The following RBFOX2 variants were observed in gnomAD, a reference collection of about 807,000 sequenced individuals.
The protein encoded by RBFOX2 is RNA binding fox-1 homolog 2, also known as RNA binding protein fox-1 homolog 2.
Under a neutral mutation model 49.1 loss-of-function variants are expected in RBFOX2, and 10 were observed. The observed-to-expected ratio is 0.20, with a 90% CI of 0.13 to 0.35. RBFOX2 has a LOEUF of 0.35. Among genes scored for constraint, RBFOX2 ranks in the 10% least tolerant of loss-of-function variants. The pLI, the probability that RBFOX2 is intolerant of heterozygous loss-of-function variation, is 1.00. For synonymous variants in RBFOX2, 183 were observed against 187.4 expected (o/e 0.98, Z 0.19); for missense variants, 323 against 486.9 (o/e 0.66, Z 3.17).
intron 1 of RBFOX2, among the ~76,000 whole-genome samples, chr22:35,878,750 T>A (rs1448877241): frequency 1.3e-5 from 2 of 152,050 alleles, no homozygotes; most frequent in Non-Finnish European, 1.5e-5. Flanking sequence ...CCTGTTTTTT[T>A]ATTTTTTATT....
chr22:35,859,838 C>A (rs1294981354), intron 1 of RBFOX2, among the ~76,000 whole-genome samples: 1 of 152,194 alleles, frequency 6.6e-6, no homozygotes, highest in Non-Finnish European at 1.5e-5. Context: ...GCTGGCATTA[C>A]AGGCATGAGC....
intron 1 of RBFOX2, among the ~76,000 whole-genome samples, chr22:35,858,741 G>T (rs1372213967): frequency 2.7e-5 from 4 of 150,454 alleles, no homozygotes; most frequent in African/African-American, 7.4e-5. Flanking sequence ...CAGGAGAATC[G>T]CTTGAACCCG....
chr22:35,778,161 T>C, intron 3 of RBFOX2, 83 bp from the exon 5 acceptor site: 1 of 1,146,066 alleles, frequency 8.7e-7, no homozygotes, highest in Non-Finnish European at 1.3e-6. Context: ...GGGAATAGTT[T>C]ATTTTTCTTC....
upstream of RBFOX2, among the ~76,000 whole-genome samples, chr22:35,963,218 C>T (rs1312484859): frequency 6.6e-6 from 1 of 151,962 alleles, no homozygotes; most frequent in Non-Finnish European, 1.5e-5. Context: ...CTAGAAAAAG[C>T]TTTATAACTG....
intron 1 of RBFOX2, among the ~76,000 whole-genome samples, chr22:35,920,614 T>G (rs136613): frequency 2.0e-5 from 3 of 152,190 alleles, no homozygotes; most frequent in East Asian, 1.9e-4. Flanking sequence ...TGTTTACCCA[T>G]AGTACCAAAG....
chr22:35,980,565 A>G (rs1163210996), intron 1 of RBFOX2, among the ~76,000 whole-genome samples: 2 of 150,470 alleles, frequency 1.3e-5, no homozygotes, highest in African/African-American at 4.9e-5. Flanking sequence ...ATTTATCCCC[A>G]AAGTAACCAG....
chr22:35,895,236 A>C, intron 1 of RBFOX2, among the ~76,000 whole-genome samples: 1 of 152,188 alleles, frequency 6.6e-6, no homozygotes, highest in East Asian at 1.9e-4. Flanking sequence ...AGATTATTGC[A>C]AAAGACAGGG....
At chr22:35,853,499 G>A (rs1162601481) in intron 1 of RBFOX2, among the ~76,000 whole-genome samples, 4 of 151,932 alleles carry the variant, frequency 2.6e-5, no homozygotes, top group African/African-American at 7.3e-5. Flanking sequence ...TGTGTAATTA[G>A]TTAAGCTTTT....
chr22:35,789,983 A>G (rs768230909), intron 2 of RBFOX2, among the ~76,000 whole-genome samples: 1 of 152,142 alleles, frequency 6.6e-6, no homozygotes, highest in East Asian at 1.9e-4. Flanking sequence ...TAGGTAAGCA[A>G]TTTGTTCTTT....
chr22:35,792,871 A>AGTTCT (rs1948036872), intron 2 of RBFOX2, among the ~76,000 whole-genome samples: 1 of 152,242 alleles, frequency 6.6e-6, no homozygotes, highest in Non-Finnish European at 1.5e-5. Flanking sequence ...GTATCTCAAA[A>AGTTCT]AACAAGAACT....
intron 1 of RBFOX2, among the ~76,000 whole-genome samples, chr22:35,884,235 G>A (rs1569454207): frequency 1.3e-5 from 2 of 152,008 alleles, no homozygotes; most frequent in African/African-American, 4.8e-5. Flanking sequence ...GGGCTCAAGC[G>A]ATCCGCCTGC....
intron 1 of RBFOX2, 26 bp downstream of exon 2, chr22:35,938,821 C>A: frequency 1.2e-6 from 2 of 1,600,810 alleles, no homozygotes; most frequent in Non-Finnish European, 1.7e-6. Context: ...CATACATCAT[C>A]TGAGTTACAA....
At chr22:36,005,204 A>ATT (rs1171215454) in intron 1 of RBFOX2, among the ~76,000 whole-genome samples, 1 of 152,192 alleles carries the variant, frequency 6.6e-6, no homozygotes, top group Non-Finnish European at 1.5e-5. Flanking sequence ...AACCTTAAGG[A>ATT]AAGTCAACAT....
At chr22:35,967,034 C>T (rs2056604386) in intron 1 of RBFOX2, among the ~76,000 whole-genome samples, 1 of 152,004 alleles carries the variant, frequency 6.6e-6, no homozygotes, top group African/African-American at 2.4e-5. Context: ...GTTGCCCAGG[C>T]TGATCTTTAA....
At position 36,028,013 on chromosome 22, in the gene RBFOX2, C is replaced by A. The variant is rs114960313; in HGVS notation, c.186+227G>T. ...CAAAACCTATCCACTCGTCGTGCCT[C>A]CTGGCCCCTCAGGAATCAGGACCCT... On this transcript the variant is annotated intron_variant, in intron 1 of 13. Transcript: ENST00000438146. Among the ~76,000 whole-genome samples the A allele has an allele frequency of 4.5e-3, 689 of 152,300 alleles. 2 individuals carry two copies. Among genetic ancestry groups the A allele is most frequent in the African/African-American group, 0.016 (648 of 41,556 alleles).
chr22:35,882,737 A>T (rs2046074600), intron 1 of RBFOX2, among the ~76,000 whole-genome samples: 1 of 152,176 alleles, frequency 6.6e-6, no homozygotes, highest in Non-Finnish European at 1.5e-5. Context: ...CATACTGATG[A>T]GAGAAAGTGG....
chr22:35,777,149 T>G, intron 4 of RBFOX2, among the ~76,000 whole-genome samples: 1 of 152,042 alleles, frequency 6.6e-6, no homozygotes, highest in Admixed American at 6.5e-5. Flanking sequence ...GTAGCTGGGA[T>G]TACAGGCGTG....
At position 35,880,057 on chromosome 22, in the gene RBFOX2, G is replaced by A. The variant is rs978952843; in HGVS notation, c.-34+58790C>T. 3.3e-5 allele frequency among the ~76,000 whole-genome samples: 5 copies of A among 152,070 alleles called. No homozygotes were observed. In the East Asian group the frequency reaches 7.7e-4, roughly 23 times the overall value. On this transcript the variant is annotated intron_variant, in intron 1 of 13. Transcript: ENST00000359369. ...TGTAATCCCAGCTACTCAGGTAGCCGACTCACAAGAATCGCTTGAACCTGA... is the reference window on the plus strand; with the variant it reads ...TGTAATCCCAGCTACTCAGGTAGCCAACTCACAAGAATCGCTTGAACCTGA...
chr22:35,914,724 TC>T (rs1352775195), intron 1 of RBFOX2, among the ~76,000 whole-genome samples: 1 of 152,150 alleles, frequency 6.6e-6, no homozygotes, highest in Non-Finnish European at 1.5e-5. Context: ...ATTGGTTGGT[TC>T]CCAAAGGGGT....
Sources: gnomAD v4.1 joint callset for allele counts (sites outside exome capture counted in the v4.1 genomes callset) on GRCh38, gnomAD v4.1.1 for gene constraint, MANE v1.5 for transcripts, NCBI Gene and HGNC (gene_info 2026-07-23, HGNC 2026-07-21) for gene names.